ATP5MJ: variants seen among roughly 807,000 people sequenced by gnomAD.
The protein encoded by ATP5MJ is ATP synthase F(0) complex subunit j, mitochondrial.
A neutral mutation model predicts 8.3 loss-of-function variants in ATP5MJ; 4 were observed. That is an observed-to-expected ratio of 0.48 (90% confidence interval 0.24 to 1.11). The LOEUF (loss-of-function observed/expected upper bound fraction) is 1.11. Ranked by LOEUF, ATP5MJ falls within the 50% of genes least tolerant of loss-of-function variation. The probability of loss-of-function intolerance (pLI) is 0.18; values close to 1 mark genes in which losing one functional copy is unlikely to be tolerated. For missense variants in ATP5MJ, 66 were observed against 71.8 expected, an observed-to-expected ratio of 0.92 and a Z score of 0.29; for synonymous variants, 23 against 21.3, an observed-to-expected ratio of 1.08 and a Z score of -0.23.
At chr14:103,918,025 CCTT>C (rs2087639412) in intron 1 of ATP5MJ, 1 of 152,138 alleles carries the variant, frequency 6.6e-6, no homozygotes, top group African/African-American at 2.4e-5. Flanking sequence ...GCGACTGTGT[CCTT>C]CTCCTGGAAC....
chr14:103,916,280 T>C (rs1334484637), intron 1 of ATP5MJ, among the ~76,000 whole-genome samples: 1 of 152,242 alleles, frequency 6.6e-6, no homozygotes, highest in Non-Finnish European at 1.5e-5. Flanking sequence ...CTCAAAATAA[T>C]GCTTTTTGTT....
chr14:103,914,837 C>CAAAAAAAAAAAAAAAAAAAAAAAAAAAA (rs35916279), intron 2 of ATP5MJ: 24 of 191,078 alleles, frequency 1.3e-4, no homozygotes, highest in Admixed American at 1.6e-4. Context: ...AGACTGTCTC[C>CAAAAAAAAAAAAAAAAAAAAAAAAAAAA]AAAAAAAAAA....
In ATP5MJ at chr14:103,920,832, G is replaced by C. The variant is rs915853166; in HGVS notation, c.-1+638C>G. The C allele has an allele frequency of 2.8e-5, 24 of 853,930 alleles. No individual in the cohort carries two copies. The African/African-American group carries it at 3.9e-4, about 14-fold the overall frequency. The allele number at this position is 853,930 out of a possible 1,614,324, so 52.9% of individuals were successfully genotyped here. On this transcript the variant is annotated intron_variant, in intron 1 of 3. Transcript: ENST00000286953. ...CCTAGCTGTGTGTGTCAGTTTTACA[G>C]CACCAGACCTTTTAAAAATCCATCT...
intron 1 of ATP5MJ, 35 bp from the exon 2 acceptor site, chr14:103,915,224 A>T: frequency 6.2e-7 from 1 of 1,605,710 alleles, no homozygotes; most frequent in Non-Finnish European, 8.5e-7. Flanking sequence ...AATTAGAATG[A>T]TGATTGCTTT....
intron 1 of ATP5MJ, among the ~76,000 whole-genome samples, chr14:103,916,298 C>T (rs1372010180): frequency 6.6e-6 from 1 of 152,196 alleles, no homozygotes; most frequent in Non-Finnish European, 1.5e-5. Context: ...GTTACTTTTA[C>T]AATTTACTCT....
chr14:103,917,458 C>CTTT (rs11397437), intron 1 of ATP5MJ, among the ~76,000 whole-genome samples: 1 of 146,444 alleles, frequency 6.8e-6, no homozygotes, highest in African/African-American at 2.5e-5. Context: ...AATTTAACAA[C>CTTT]TTTTTTTTTT....
chr14:103,915,644 G>A (rs1174697279), intron 1 of ATP5MJ, among the ~76,000 whole-genome samples: 1 of 144,690 alleles, frequency 6.9e-6, no homozygotes, highest in Non-Finnish European at 1.5e-5. Flanking sequence ...CACTGTGCCT[G>A]GCCATTTTTT....
intron 1 of ATP5MJ, among the ~76,000 whole-genome samples, chr14:103,917,797 C>T (rs1004355201): frequency 1.3e-5 from 2 of 152,198 alleles, no homozygotes; most frequent in Non-Finnish European, 2.9e-5. Flanking sequence ...TACACTGCTT[C>T]CCACTCCTAT....
intron 1 of ATP5MJ, among the ~76,000 whole-genome samples, chr14:103,916,320 C>A (rs141161756): frequency 6.6e-6 from 1 of 152,130 alleles, no homozygotes; most frequent in African/African-American, 2.4e-5. Flanking sequence ...TACTATAGAC[C>A]GCAAATTAGA....
Position 103,914,628 on chromosome 14 carries a change from C to G in ATP5MJ, c.124+438G>C, listed in dbSNP as rs1006603440. ...CCAGCCTGGGTAACATGGCAAAACCCCATCTCTACAAAAAAAAAAAGTACA... is the reference window on the plus strand; with the variant it reads ...CCAGCCTGGGTAACATGGCAAAACCGCATCTCTACAAAAAAAAAAAGTACA... On this transcript the variant is annotated intron_variant, in intron 2 of 3. Transcript: ENST00000286953. 3 of 597,460 alleles carry G rather than the reference C, an allele frequency of 5.0e-6. No homozygotes were observed. In the Admixed American group the frequency reaches 8.6e-5, roughly 17 times the overall value. The allele number at this position is 597,460 out of a possible 1,614,324, so 37.0% of individuals were successfully genotyped here. A position where few individuals can be genotyped will look rare whatever the true frequency, so the allele number is the denominator to read the frequency against.
intron 1 of ATP5MJ, among the ~76,000 whole-genome samples, chr14:103,919,791 G>T (rs1190212338): frequency 6.6e-6 from 1 of 151,804 alleles, no homozygotes; most frequent in Non-Finnish European, 1.5e-5. Flanking sequence ...TATTTGCCTG[G>T]ACAAGTGACA....
chr14:103,918,707 G>C (rs1472433648), intron 1 of ATP5MJ, among the ~76,000 whole-genome samples: 1 of 152,146 alleles, frequency 6.6e-6, no homozygotes, highest in Admixed American at 6.5e-5. Context: ...CCTGCCCCCA[G>C]AGGGCTGTCA....
intron 1 of ATP5MJ, among the ~76,000 whole-genome samples, chr14:103,918,987 A>C (rs913397902): frequency 6.6e-6 from 1 of 151,492 alleles, no homozygotes; most frequent in Non-Finnish European, 1.5e-5. Flanking sequence ...GCACCACTGC[A>C]CTCCAGCCTG....
intron 2 of ATP5MJ, 157 bp downstream of exon 2, chr14:103,914,908 GC>G: frequency 1.3e-6 from 1 of 769,436 alleles, no homozygotes; most frequent in East Asian, 3.2e-5. Flanking sequence ...GTCTTTTATA[GC>G]TGACATGTGC....
chr14:103,919,574 G>GA (rs138709081), intron 1 of ATP5MJ, among the ~76,000 whole-genome samples: 1 of 152,026 alleles, frequency 6.6e-6, no homozygotes, highest in Non-Finnish European at 1.5e-5. Flanking sequence ...GGTCTATAAG[G>GA]AAAAGGGCAA....
At chr14:103,914,530 T>C (rs1267547674) in intron 2 of ATP5MJ, 3 of 689,640 alleles carry the variant, frequency 4.4e-6, no homozygotes, top group South Asian at 1.5e-5. Context: ...CCAGGTGTTG[T>C]GGCTCACGCT....
chr14:103,920,931 A>G (rs2152108482), intron 1 of ATP5MJ: 1 of 1,546,106 alleles, frequency 6.5e-7, no homozygotes, highest in African/African-American at 1.4e-5. Flanking sequence ...ATTAAGGGCG[A>G]ACTATTACCT....
At chr14:103,913,403 C>G (rs1260863436) in intron 3 of ATP5MJ, 2 of 156,284 alleles carry the variant, frequency 1.3e-5, no homozygotes, top group African/African-American at 4.8e-5. Context: ...ATCACAAGGT[C>G]AGGAGATCCA....
chr14:103,918,673 T>A (rs1049799741), intron 1 of ATP5MJ, among the ~76,000 whole-genome samples: 6 of 152,140 alleles, frequency 3.9e-5, no homozygotes, highest in Non-Finnish European at 5.9e-5. Context: ...AGGTTTCTTT[T>A]TCTGTGAAAC....
Sources: allele counts gnomAD v4.1 joint callset (sites outside exome capture counted in the v4.1 genomes callset), GRCh38; gene constraint gnomAD v4.1.1; transcripts MANE v1.5; gene names NCBI Gene and HGNC (gene_info 2026-07-23, HGNC 2026-07-21).